COL24A1: variants seen among roughly 807,000 people sequenced by gnomAD.
COL24A1 encodes the protein collagen type XXIV alpha 1 chain, also known as collagen alpha-1(XXIV) chain.
A neutral mutation model predicts 253.9 loss-of-function variants in COL24A1; 224 were observed. The observed-to-expected ratio is 0.88, with a 90% CI of 0.79 to 0.99. The LOEUF (loss-of-function observed/expected upper bound fraction) is 0.99, where lower values mean the gene tolerates loss of function less well. COL24A1 is among the 50% of genes least tolerant of loss of function. COL24A1 has a pLI of 0.00. For missense variants in COL24A1, 2,131 were observed against 2,068.5 expected (o/e 1.03, Z -0.59); for synonymous variants, 685 against 673.7 (o/e 1.02, Z -0.26).
intron 21 of COL24A1, 42 bp from the exon 22 acceptor site, chr1:85,970,313 G>A: frequency 1.3e-6 from 2 of 1,490,898 alleles, no homozygotes; most frequent in Non-Finnish European, 1.8e-6. Flanking sequence ...GGCCTAAAAT[G>A]AGTATTTAAA....
At chr1:86,057,256 C>G (rs1310649383) in intron 10 of COL24A1, among the ~76,000 whole-genome samples, 1 of 152,156 alleles carries the variant, frequency 6.6e-6, no homozygotes, top group African/African-American at 2.4e-5. Flanking sequence ...CTCCCTTCAC[C>G]TTCCGCTGTG....
intron 24 of COL24A1, among the ~76,000 whole-genome samples, chr1:85,922,366 T>G (rs979578763): frequency 2.6e-5 from 4 of 152,020 alleles, no homozygotes; most frequent in Non-Finnish European, 4.4e-5. Context: ...CACACAATTG[T>G]CAGATTCACC....
At chr1:85,969,052 T>C (rs1402896184) in intron 22 of COL24A1, among the ~76,000 whole-genome samples, 1 of 152,124 alleles carries the variant, frequency 6.6e-6, no homozygotes, top group African/African-American at 2.4e-5. Context: ...ATTCAACAAA[T>C]AGCAACAACA....
chr1:85,999,342 C>T (rs913302089), intron 19 of COL24A1, among the ~76,000 whole-genome samples: 9 of 151,974 alleles, frequency 5.9e-5, no homozygotes, highest in Non-Finnish European at 1.2e-4. Context: ...ACTAAGATTC[C>T]AGCTGGGGGC....
At chr1:85,964,556 T>A (rs910561052) in intron 23 of COL24A1, among the ~76,000 whole-genome samples, 1 of 152,088 alleles carries the variant, frequency 6.6e-6, no homozygotes, top group Non-Finnish European at 1.5e-5. Flanking sequence ...ATCACATACA[T>A]AGATATAGAT....
chr1:85,949,455 G>A (rs1689686122), intron 24 of COL24A1, among the ~76,000 whole-genome samples: 2 of 152,120 alleles, frequency 1.3e-5, no homozygotes, highest in Non-Finnish European at 1.5e-5. Flanking sequence ...AGAGATGGAA[G>A]TCTAGGGCAT....
chr1:86,045,569 A>T (rs1358436988), intron 12 of COL24A1, among the ~76,000 whole-genome samples: 1 of 152,144 alleles, frequency 6.6e-6, no homozygotes, highest in Non-Finnish European at 1.5e-5. Flanking sequence ...TAAAAAAAAA[A>T]ATTAACACAC....
At chr1:86,150,562 C>T (rs1652610038) in intron 1 of COL24A1, among the ~76,000 whole-genome samples, 2 of 152,046 alleles carry the variant, frequency 1.3e-5, no homozygotes, top group African/African-American at 2.4e-5. Flanking sequence ...TATATGGTAG[C>T]CTTCTTCTTT....
rs17407181 is a variant in COL24A1 at position 86,084,075 on chromosome 1, A to G, written c.1707+5099T>C. Among the ~76,000 whole-genome samples, 1,348 of 152,282 alleles carry G rather than the reference A, an allele frequency of 8.9e-3. 74 individuals are homozygous for G. Among genetic ancestry groups the G allele is most frequent in the Admixed American group, 0.073 (1,119 of 15,282 alleles). ...GACTCATGTCACCAATGCATTGAGG[A>G]ATACAACAAAGGCCTATAACCATGG... On this transcript the variant is annotated intron_variant, in intron 7 of 59. Coordinates refer to ENST00000370571, the MANE Select transcript of COL24A1 (RefSeq NM_152890.7).
chr1:86,003,604 C>T (rs1235064574), intron 19 of COL24A1, among the ~76,000 whole-genome samples: 2 of 152,104 alleles, frequency 1.3e-5, no homozygotes, highest in Non-Finnish European at 2.9e-5. Flanking sequence ...AAAAGGTACA[C>T]TTATGCATAC....
At chr1:86,049,083 C>T (rs569523309) in intron 11 of COL24A1, among the ~76,000 whole-genome samples, 3 of 152,204 alleles carry the variant, frequency 2.0e-5, no homozygotes, top group African/African-American at 2.4e-5. Context: ...ATACATCCTC[C>T]GTTAGTTTGC....
In COL24A1 at chr1:85,978,733, G is replaced by A. The variant is rs141892706; in HGVS notation, c.2365-7340C>T. The stretch of plus-strand genomic sequence containing the variant: ...TAAGAAATGAGACAGATGGTGACAC[G>A]ATAATAGTGGGGGATGTTGATACTC... On this transcript the variant is annotated intron_variant, in intron 20 of 59. Coordinates refer to ENST00000370571, the MANE Select transcript of COL24A1 (RefSeq NM_152890.7). Among the ~76,000 whole-genome samples, 181 of 152,182 alleles carry A rather than the reference G, an allele frequency of 1.2e-3. 1 individual carries two copies. Among genetic ancestry groups the A allele is most frequent in the African/African-American group, 3.8e-3 (157 of 41,528 alleles).
At chr1:85,954,420 G>C (rs74097627) in intron 24 of COL24A1, among the ~76,000 whole-genome samples, 2,729 of 152,178 alleles carry the variant, frequency 0.018, 86 homozygotes, top group African/African-American at 0.063. Flanking sequence ...AGGATGATGG[G>C]GAGAAGTTAA....
intron 19 of COL24A1, among the ~76,000 whole-genome samples, chr1:86,005,783 T>C (rs1695894065): frequency 6.6e-6 from 1 of 152,116 alleles, no homozygotes; most frequent in East Asian, 1.9e-4. Flanking sequence ...GCTGCCTTTG[T>C]CACAGATGAC....
intron 47 of COL24A1, among the ~76,000 whole-genome samples, chr1:85,810,419 A>T (rs1018386222): frequency 6.6e-6 from 1 of 152,160 alleles, no homozygotes; most frequent in African/African-American, 2.4e-5. Context: ...GCTAGCCAGC[A>T]GTCTATGAGG....
At chr1:86,013,708 C>T (rs1445507958) in intron 19 of COL24A1, among the ~76,000 whole-genome samples, 2 of 152,018 alleles carry the variant, frequency 1.3e-5, no homozygotes, top group East Asian at 3.9e-4. Context: ...TGGTGGCAGG[C>T]ACCTGTAATC....
intron 5 of COL24A1, among the ~76,000 whole-genome samples, chr1:86,106,843 T>A (rs1705029828): frequency 6.6e-6 from 1 of 152,204 alleles, no homozygotes; most frequent in South Asian, 2.1e-4. Flanking sequence ...ATAGTCTTTC[T>A]CTATTTTAAA....
chr1:85,857,704 T>A lies in COL24A1; in HGVS notation c.3301-8298A>T, dbSNP rs540963978. The stretch of plus-strand genomic sequence containing the variant: ...ACTGATACACTTGAGAGACTAAGCA[T>A]CTTGATAGTCTGAGCACCTGAAGAA... On this transcript the variant is annotated intron_variant, in intron 37 of 59. Coordinates refer to ENST00000370571, the MANE Select transcript of COL24A1 (RefSeq NM_152890.7). 7.9e-5 allele frequency among the ~76,000 whole-genome samples: 12 copies of A among 152,234 alleles called. 1 individual carries two copies. In the South Asian group the frequency reaches 2.3e-3, roughly 29 times the overall value.
In COL24A1 at chr1:85,909,903, T is replaced by C. The variant is rs1226833069; in HGVS notation, c.2670+47A>G. ...ATTCCATCTCTGGAACGACTTGCTTTTATTGCATTCTTTGGAAACATATTT... is the reference window on the plus strand; with the variant it reads ...ATTCCATCTCTGGAACGACTTGCTTCTATTGCATTCTTTGGAAACATATTT... On this transcript the variant is annotated intron_variant, in intron 26 of 59. Transcript: ENST00000370571. 5 of 1,498,314 alleles carry C rather than the reference T, an allele frequency of 3.3e-6. No individual in the cohort carries two copies. The South Asian group carries it at 5.6e-5, about 17-fold the overall frequency. 92.8% of individuals were successfully genotyped at this position (1,498,314 alleles called of 1,614,324 possible).
Sources: allele counts gnomAD v4.1 joint callset (sites outside exome capture counted in the v4.1 genomes callset), GRCh38; gene constraint gnomAD v4.1.1; transcripts MANE v1.5; gene names NCBI Gene and HGNC (gene_info 2026-07-23, HGNC 2026-07-21).